KAT14: variants seen among roughly 807,000 people sequenced by gnomAD.
KAT14 encodes cysteine-rich protein 2-binding protein.
In KAT14, 66 loss-of-function variants were observed where a neutral mutation model predicts 78.4. The ratio of observed to expected loss-of-function variants is 0.84; its 90% CI spans 0.69 to 1.03. KAT14 has a LOEUF of 1.03. Among genes scored for constraint, KAT14 ranks in the 50% least tolerant of loss-of-function variants. KAT14 has a pLI of 0.00. For missense variants in KAT14, 870 were observed against 972.5 expected (o/e 0.89, Z 1.40); for synonymous variants, 344 against 359.4 (o/e 0.96, Z 0.48).
intron 2 of KAT14, among the ~76,000 whole-genome samples, chr20:18,144,498 C>A (rs2037742993): frequency 6.6e-6 from 1 of 152,174 alleles, no homozygotes; most frequent in African/African-American, 2.4e-5. Context: ...TCTCCCTATA[C>A]ACAAAGAGAC....
intron 4 of KAT14, among the ~76,000 whole-genome samples, chr20:18,151,187 G>A (rs1177325952): frequency 1.3e-5 from 2 of 151,196 alleles, no homozygotes; most frequent in African/African-American, 4.9e-5. Flanking sequence ...AACATGCCTG[G>A]CTTATTTATT....
At chr20:18,153,202 T>A (rs974512884) in intron 4 of KAT14, among the ~76,000 whole-genome samples, 1 of 152,140 alleles carries the variant, frequency 6.6e-6, no homozygotes. Flanking sequence ...ACAGCTTTGC[T>A]CATGTTACTG....
chr20:18,183,118 C>T lies in KAT14; in HGVS notation c.1806-5C>T, dbSNP rs561728507. 3.3e-5 allele frequency: 53 copies of T among 1,602,082 alleles called. No individual in the cohort carries two copies. The highest frequency in any genetic ancestry group is 2.6e-4 in the South Asian group (23 of 89,336). ...TGAATTTGTTTATCTTCTGTGGTAC[C>T]GGAGGCGTGATTATGAAACAAAGCC... On this transcript the variant is annotated splice_region_variant and splice_polypyrimidine_tract_variant and intron_variant, in intron 8 of 10. Transcript: ENST00000688188.
intron 7 of KAT14, among the ~76,000 whole-genome samples, chr20:18,170,421 A>G (rs370701462): frequency 6.6e-6 from 1 of 152,130 alleles, no homozygotes; most frequent in African/African-American, 2.4e-5. Flanking sequence ...TCCTGAATCT[A>G]CCCTGGCTGT....
chr20:18,181,469 C>T (rs920213111), intron 7 of KAT14, among the ~76,000 whole-genome samples: 5 of 149,042 alleles, frequency 3.4e-5, no homozygotes, highest in Non-Finnish European at 7.4e-5. Context: ...CCTGGGTTCA[C>T]GCCATTCTCC....
At chr20:18,141,042 TTTTTA>T (rs1301902472) in intron 1 of KAT14, among the ~76,000 whole-genome samples, 921 of 32,816 alleles carry the variant, frequency 0.028, 4 homozygotes, top group Non-Finnish European at 0.04. Context: ...TTTTTTTTTT[TTTTTA>T]TTTTTATTTT....
intron 7 of KAT14, among the ~76,000 whole-genome samples, chr20:18,178,741 C>G (rs557183126): frequency 7.3e-6 from 1 of 137,296 alleles, no homozygotes; most frequent in African/African-American, 2.5e-5. Context: ...CAGAGCCAAA[C>G]CATATCATTC....
chr20:18,151,947 G>A (rs1481813686), intron 4 of KAT14, among the ~76,000 whole-genome samples: 1 of 148,682 alleles, frequency 6.7e-6, no homozygotes, highest in African/African-American at 2.5e-5. Context: ...AGGTTGCAGT[G>A]AGCCAAGATT....
At chr20:18,143,269 A>T (rs959274387) in intron 2 of KAT14, 41 of 751,138 alleles carry the variant, frequency 5.5e-5, no homozygotes, top group Non-Finnish European at 6.2e-5. Flanking sequence ...TCAAGTTTAT[A>T]AAAATTACTT....
At position 18,137,891 on chromosome 20, in the gene KAT14, C is replaced by T; in HGVS notation, c.-614C>T. The T allele has an allele frequency of 7.1e-7, 1 of 1,417,008 alleles. No homozygotes were observed. The highest frequency in any genetic ancestry group is 9.2e-7 in the Non-Finnish European group (1 of 1,086,684). 87.8% of individuals were successfully genotyped at this position (1,417,008 alleles called of 1,614,324 possible). A position where few individuals can be genotyped will look rare whatever the true frequency, so the allele number is the denominator to read the frequency against. On this transcript the variant is annotated 5_prime_UTR_variant, in exon 1 of 11. Transcript: ENST00000688188. ...CCTGGGCAGTACAGGCGGCGGTGCG[C>T]ACTCTGCGGCGGCCTCTGCGCCTCG...
intron 3 of KAT14, among the ~76,000 whole-genome samples, chr20:18,146,663 A>G (rs1001382277): frequency 1.2e-3 from 177 of 152,180 alleles, no homozygotes; most frequent in Non-Finnish European, 1.3e-3. Context: ...CCATCTCAAA[A>G]AAAACCAAAA....
intron 7 of KAT14, among the ~76,000 whole-genome samples, chr20:18,180,864 C>T (rs1265416461): frequency 1.3e-5 from 2 of 152,188 alleles, no homozygotes; most frequent in Admixed American, 6.5e-5. Flanking sequence ...TCCCACAACA[C>T]AAAGGAATTA....
chr20:18,155,432 C>T (rs1395011718), intron 4 of KAT14, among the ~76,000 whole-genome samples: 1 of 152,104 alleles, frequency 6.6e-6, no homozygotes, highest in East Asian at 1.9e-4. Context: ...TTACACACAG[C>T]TTGTAGCATC....
chr20:18,183,545 T>G lies in KAT14; in HGVS notation c.1981+247T>G, dbSNP rs558370501. 1.8e-5 allele frequency: 18 copies of G among 984,938 alleles called. No individual in the cohort carries two copies. In the East Asian group the frequency reaches 1.6e-3, roughly 87 times the overall value. The allele number at this position is 984,938 out of a possible 1,614,324, so 61.0% of individuals were successfully genotyped here. On this transcript the variant is annotated intron_variant, in intron 9 of 10. Coordinates refer to ENST00000688188, the MANE Select transcript of KAT14 (RefSeq NM_001392073.1). ...TGTCTCTGTTTCCAGAGTAAAAGAT[T>G]CATCCTGTTTTGCTTCTGCATATGT...
In KAT14 at chr20:18,187,377, A is replaced by G; in HGVS notation, c.2264A>G (p.Tyr755Cys). 2 of 1,614,232 alleles carry G rather than the reference A, an allele frequency of 1.2e-6. No homozygotes were observed. The highest frequency in any genetic ancestry group is 1.7e-6 in the Non-Finnish European group (2 of 1,180,046). ...AAGTTTGGATTCAAGACTGAAGAATATGTATTAGATTTCTATGATAAATAT... is the reference window on the plus strand; with the variant it reads ...AAGTTTGGATTCAAGACTGAAGAATGTGTATTAGATTTCTATGATAAATAT... ...YQKFGFKTEE[Y>C]VLDFYDKYYP... The change falls in exon 11 of 11, where the codon TAT becomes TGT. Residue 755 changes from tyrosine (Y) to cysteine (C), a missense_variant. By Grantham distance (194) the Tyr-to-Cys change is radical. Coordinates refer to ENST00000688188, the MANE Select transcript of KAT14 (RefSeq NM_001392073.1).
At chr20:18,140,472 T>TGGGCCCC (rs2037489467) in intron 1 of KAT14, among the ~76,000 whole-genome samples, 1 of 152,032 alleles carries the variant, frequency 6.6e-6, no homozygotes, top group Non-Finnish European at 1.5e-5. Flanking sequence ...ACGCAGGCCC[T>TGGGCCCC]GGGCCCCACT....
intron 1 of KAT14, among the ~76,000 whole-genome samples, chr20:18,140,128 A>G (rs2037474512): frequency 1.3e-5 from 2 of 150,624 alleles, no homozygotes. Context: ...AAGGAAGGGT[A>G]GGATCTGGGA....
At chr20:18,166,921 T>C (rs994630060) in intron 7 of KAT14, among the ~76,000 whole-genome samples, 1 of 152,164 alleles carries the variant, frequency 6.6e-6, no homozygotes, top group African/African-American at 2.4e-5. Context: ...TTCCTTTAGG[T>C]TTTTTCTTTG....
At chr20:18,179,133 T>G (rs1432526385) in intron 7 of KAT14, among the ~76,000 whole-genome samples, 1 of 152,126 alleles carries the variant, frequency 6.6e-6, no homozygotes, top group Non-Finnish European at 1.5e-5. Context: ...GTTCTCAGAG[T>G]CTTAGGCAGC....
Sources: gnomAD v4.1 joint callset for allele counts (sites outside exome capture counted in the v4.1 genomes callset) on GRCh38, gnomAD v4.1.1 for gene constraint, MANE v1.5 for transcripts, NCBI Gene and HGNC (gene_info 2026-07-23, HGNC 2026-07-21) for gene names.